Variants in MARCHF1 observed in about 807,000 individuals in gnomAD.
The protein encoded by MARCHF1 is membrane associated ring-CH-type finger 1.
In MARCHF1, 40 loss-of-function variants were observed where a neutral mutation model predicts 54.2. The ratio of observed to expected loss-of-function variants is 0.74; its 90% CI spans 0.57 to 0.96. MARCHF1 has a LOEUF of 0.96. MARCHF1 is among the 40% of genes least tolerant of loss of function. The pLI is 0.00. For synonymous variants in MARCHF1, 236 were observed against 236.3 expected (o/e 1.00, Z 0.01); for missense variants, 586 against 656.5 (o/e 0.89, Z 1.17).
rs3059817 is a variant in MARCHF1, at chr4:164,177,806, G to GACACACACAC, written c.-322-66154_-322-66145dup. Among the ~76,000 whole-genome samples the GACACACACAC allele has an allele frequency of 9.5e-3, 1,414 of 149,282 alleles. 13 individuals carry two copies. Among genetic ancestry groups the GACACACACAC allele is most frequent in the African/African-American group, 0.031 (1,271 of 40,768 alleles). On this transcript the variant is annotated intron_variant, in intron 1 of 9. Transcript: ENST00000514618. ...TCAATCTCAGTGTGTGTATGAAAGAGACACACACACACACACACACACACA... is the reference window on the plus strand; with the variant it reads ...TCAATCTCAGTGTGTGTATGAAAGAGACACACACACACACACACACACACACACACACACA...
intron 2 of MARCHF1, among the ~76,000 whole-genome samples, chr4:163,994,788 CACACACAA>C (rs1753040672): frequency 2.6e-4 from 5 of 19,348 alleles, no homozygotes; most frequent in East Asian, 1.8e-3. Flanking sequence ...CACACACACA[CACACACAA>C]AACAAATGCA....
intron 2 of MARCHF1, among the ~76,000 whole-genome samples, chr4:164,016,244 C>T (rs1478978827): frequency 6.6e-6 from 1 of 152,068 alleles, no homozygotes. Context: ...GGGAAGCAGG[C>T]ACATCTTACA....
intron 4 of MARCHF1, among the ~76,000 whole-genome samples, chr4:163,731,335 TC>T (rs1745823119): frequency 6.6e-6 from 1 of 152,180 alleles, no homozygotes; most frequent in Admixed American, 6.5e-5. Context: ...AGATTTATCT[TC>T]CCATATGGAA....
intron 4 of MARCHF1, among the ~76,000 whole-genome samples, chr4:163,743,483 G>A (rs9994583): frequency 0.04 from 6,116 of 151,942 alleles, 415 homozygotes; most frequent in African/African-American, 0.14. Flanking sequence ...TAAAGTTAAT[G>A]TATAAAGTGG....
chr4:163,875,269 T>G (rs1384362111), intron 3 of MARCHF1, among the ~76,000 whole-genome samples: 1 of 152,192 alleles, frequency 6.6e-6, no homozygotes, highest in Admixed American at 6.5e-5. Flanking sequence ...CAGATAGTTT[T>G]GTGACCTAAG....
chr4:164,143,358 GAC>G (rs1326784401), intron 1 of MARCHF1, among the ~76,000 whole-genome samples: 3 of 144,134 alleles, frequency 2.1e-5, no homozygotes, highest in Non-Finnish European at 4.6e-5. Context: ...GCAACTCCAA[GAC>G]ACATAATTGT....
chr4:164,142,411 T>A lies in MARCHF1; in HGVS notation c.-322-30749A>T, dbSNP rs563199277. On this transcript the variant is annotated intron_variant, in intron 1 of 9. Coordinates refer to ENST00000514618, the MANE Select transcript of MARCHF1 (RefSeq NM_001394959.1). ...AAGACAGCAGTAACCTCTGCAGACT[T>A]AAATGTCCCTGTCTGACAGCTTTGA... Among the ~76,000 whole-genome samples the A allele has an allele frequency of 3.2e-3, 488 of 152,258 alleles. 1 individual carries two copies. The highest frequency in any genetic ancestry group is 0.011 in the African/African-American group (462 of 41,562).
intron 3 of MARCHF1, among the ~76,000 whole-genome samples, chr4:163,927,155 A>G (rs1751555930): frequency 6.6e-6 from 1 of 151,744 alleles, no homozygotes; most frequent in South Asian, 2.1e-4. Context: ...ATGAGGCTTC[A>G]CACTTTTGAC....
intron 3 of MARCHF1, among the ~76,000 whole-genome samples, chr4:163,884,813 T>C (rs1750493276): frequency 6.6e-6 from 1 of 152,128 alleles, no homozygotes; most frequent in Non-Finnish European, 1.5e-5. Context: ...TGGTTAGTAA[T>C]TGAAACCAGT....
intron 1 of MARCHF1, among the ~76,000 whole-genome samples, chr4:164,348,415 C>A (rs888822830): frequency 6.6e-6 from 1 of 152,210 alleles, no homozygotes; most frequent in African/African-American, 2.4e-5. Flanking sequence ...TGGAATTTAT[C>A]TAATCCAAAC....
intron 3 of MARCHF1, among the ~76,000 whole-genome samples, chr4:163,969,746 G>A (rs1268864888): frequency 1.3e-5 from 2 of 152,018 alleles, no homozygotes; most frequent in African/African-American, 4.8e-5. Flanking sequence ...TAATCAATGC[G>A]TTTATCATTC....
Position 164,114,473 on chromosome 4 carries a change from C to T in MARCHF1, c.-322-2811G>A, listed in dbSNP as rs142030377. ...AAAATAAGTATTAATGAAGGCTTAA[C>T]GATTTTTATATAATGACCCATTCTT... On this transcript the variant is annotated intron_variant, in intron 1 of 9. Coordinates refer to ENST00000514618, the MANE Select transcript of MARCHF1 (RefSeq NM_001394959.1). Among the ~76,000 whole-genome samples, 6 of 151,636 alleles carry T rather than the reference C, an allele frequency of 4.0e-5. No homozygotes were observed. In the South Asian group the frequency reaches 6.2e-4, roughly 16 times the overall value.
At chr4:164,057,234 C>T (rs1269333316) in intron 2 of MARCHF1, among the ~76,000 whole-genome samples, 1 of 152,134 alleles carries the variant, frequency 6.6e-6, no homozygotes, top group Non-Finnish European at 1.5e-5. Flanking sequence ...ACAAATACTG[C>T]AGTACCTTGA....
At chr4:163,914,500 C>G (rs1464771093) in intron 3 of MARCHF1, among the ~76,000 whole-genome samples, 1 of 151,946 alleles carries the variant, frequency 6.6e-6, no homozygotes, top group Non-Finnish European at 1.5e-5. Flanking sequence ...AAGATTAAAA[C>G]TTAAAAGCAA....
chr4:164,337,224 A>G lies in MARCHF1; in HGVS notation c.-323+46646T>C, dbSNP rs566639966. Reference sequence around the variant, plus strand: ...TGCAAAAGTATCAATTTTGACTACCACCTGTGGATGTCAGTAACTGTGGGA... The same window carrying G: ...TGCAAAAGTATCAATTTTGACTACCGCCTGTGGATGTCAGTAACTGTGGGA... On this transcript the variant is annotated intron_variant, in intron 1 of 9. Transcript: ENST00000514618. 3.9e-5 allele frequency among the ~76,000 whole-genome samples: 6 copies of G among 152,314 alleles called. No individual in the cohort carries two copies. In the South Asian group the frequency reaches 1.2e-3, roughly 32 times the overall value.
intron 5 of MARCHF1, among the ~76,000 whole-genome samples, chr4:163,673,490 GT>G (rs937191746): frequency 8.6e-5 from 13 of 151,682 alleles, no homozygotes; most frequent in Admixed American, 7.9e-4. Flanking sequence ...AACTTCTTTA[GT>G]TTTTTTATAC....
intron 1 of MARCHF1, among the ~76,000 whole-genome samples, chr4:164,126,255 T>G (rs907843573): frequency 6.6e-6 from 1 of 152,178 alleles, no homozygotes; most frequent in Non-Finnish European, 1.5e-5. Flanking sequence ...AGATTAATGA[T>G]GTTATAAAAT....
chr4:164,224,395 A>G (rs962151806), intron 1 of MARCHF1, among the ~76,000 whole-genome samples: 1 of 151,918 alleles, frequency 6.6e-6, no homozygotes, highest in African/African-American at 2.4e-5. Context: ...TATACTCTCC[A>G]TGTGTGTCCT....
At chr4:163,980,147 T>C (rs1752732757) in intron 3 of MARCHF1, among the ~76,000 whole-genome samples, 1 of 142,442 alleles carries the variant, frequency 7.0e-6, no homozygotes, top group Admixed American at 7.3e-5. Flanking sequence ...CAAAACAGCA[T>C]GGTACTGGTA....
Sources: allele counts gnomAD v4.1 joint callset (sites outside exome capture counted in the v4.1 genomes callset), GRCh38; gene constraint gnomAD v4.1.1; transcripts MANE v1.5; gene names NCBI Gene and HGNC (gene_info 2026-07-23, HGNC 2026-07-21).